Variants in LRRFIP1 observed in about 807,000 individuals in gnomAD.
LRRFIP1 encodes the protein LRR binding FLII interacting protein 1, also known as leucine-rich repeat flightless-interacting protein 1.
In LRRFIP1, 62 loss-of-function variants were observed where a neutral mutation model predicts 104.4. The ratio of observed to expected loss-of-function variants is 0.59; its 90% CI spans 0.48 to 0.73. The LOEUF is 0.73. LRRFIP1 is among the 30% of genes least tolerant of loss of function. LRRFIP1 has a pLI of 0.00. For missense variants in LRRFIP1, 796 were observed against 824.5 expected, an observed-to-expected ratio of 0.97 and a Z score of 0.42; for synonymous variants, 300 against 299.0, an observed-to-expected ratio of 1.00 and a Z score of -0.03.
chr2:237,643,454 A>G (rs998400834), intron 1 of LRRFIP1, among the ~76,000 whole-genome samples: 5 of 152,206 alleles, frequency 3.3e-5, no homozygotes, highest in Non-Finnish European at 1.5e-5. Context: ...GGGAGAATCC[A>G]TTTACTCTGA....
chr2:237,687,748 G>A (rs2092480245), intron 1 of LRRFIP1, among the ~76,000 whole-genome samples: 1 of 152,150 alleles, frequency 6.6e-6, no homozygotes, highest in African/African-American at 2.4e-5. Context: ...ACAGATGTTA[G>A]GGCTCTGATT....
intron 18 of LRRFIP1, 29 bp downstream of exon 18, chr2:237,758,850 A>T (rs747393837): frequency 2.0e-6 from 3 of 1,507,960 alleles, no homozygotes; most frequent in Middle Eastern, 1.8e-4. Context: ...GTTTTATTTA[A>T]AAAAAAAGAA....
chr2:237,696,329 G>A (rs1293242427), intron 1 of LRRFIP1, among the ~76,000 whole-genome samples: 1 of 152,120 alleles, frequency 6.6e-6, no homozygotes, highest in Non-Finnish European at 1.5e-5. Flanking sequence ...CTTTCCCTGT[G>A]GGTTGAGAAC....
chr2:237,664,087 A>G (rs1198753231), intron 1 of LRRFIP1, among the ~76,000 whole-genome samples: 2 of 150,316 alleles, frequency 1.3e-5, no homozygotes. Flanking sequence ...CTGCAGAGAG[A>G]CCCAAGGGAG....
chr2:237,648,350 G>A (rs1274713595), intron 1 of LRRFIP1, among the ~76,000 whole-genome samples: 1 of 151,830 alleles, frequency 6.6e-6, no homozygotes, highest in Non-Finnish European at 1.5e-5. Context: ...CCTATTTTAG[G>A]GATTGTTCTT....
intron 3 of LRRFIP1, among the ~76,000 whole-genome samples, chr2:237,715,154 G>C (rs780746015): frequency 1.3e-5 from 2 of 152,226 alleles, no homozygotes; most frequent in Non-Finnish European, 1.5e-5. Context: ...GGATTCCTGT[G>C]CTGGCCATGA....
At chr2:237,674,974 G>A (rs1472771356) in intron 1 of LRRFIP1, among the ~76,000 whole-genome samples, 1 of 152,248 alleles carries the variant, frequency 6.6e-6, no homozygotes, top group Non-Finnish European at 1.5e-5. Flanking sequence ...GAGAGCCTGG[G>A]CAGTGGGAGG....
chr2:237,688,738 T>G (rs1166379496), intron 1 of LRRFIP1, among the ~76,000 whole-genome samples: 2 of 152,032 alleles, frequency 1.3e-5, no homozygotes, highest in African/African-American at 4.8e-5. Flanking sequence ...GGATTACAGG[T>G]GTGGGTCACT....
At chr2:237,739,793 AG>A (rs1235222556) in intron 11 of LRRFIP1, among the ~76,000 whole-genome samples, 1 of 152,174 alleles carries the variant, frequency 6.6e-6, no homozygotes, top group Non-Finnish European at 1.5e-5. Flanking sequence ...TTCAGAAAAT[AG>A]GAGCCCTATT....
At chr2:237,680,867 G>A (rs1450173856) in intron 1 of LRRFIP1, among the ~76,000 whole-genome samples, 1 of 152,136 alleles carries the variant, frequency 6.6e-6, no homozygotes, top group Non-Finnish European at 1.5e-5. Context: ...TGTGGTCCCA[G>A]CTACTCCAGA....
Position 237,649,471 on chromosome 2 carries a change from C to T in LRRFIP1, c.96+21731C>T, listed in dbSNP as rs1559469101. Among the ~76,000 whole-genome samples, 1 of 151,950 alleles carries T rather than the reference C, an allele frequency of 6.6e-6. No individual in the cohort carries two copies. The highest frequency in any genetic ancestry group is 2.4e-5 in the African/African-American group (1 of 41,432). ...GCTTGAGCCCAGGACGTGGAGGCTG[C>T]AGTGAGCCAAGATTGTGCCATTGCA... On this transcript the variant is annotated intron_variant, in intron 1 of 23. Coordinates refer to ENST00000308482, the MANE Select transcript of LRRFIP1 (RefSeq NM_001137550.2). The surrounding 1 kb of genome is among the most constrained non-coding windows in gnomAD (Gnocchi z 4.1).
In LRRFIP1 at chr2:237,688,678, C is replaced by T. The variant is rs574921320; in HGVS notation, c.97-19866C>T. Among the ~76,000 whole-genome samples, 4 of 151,926 alleles carry T rather than the reference C, an allele frequency of 2.6e-5. No homozygotes were observed. The South Asian group carries it at 6.2e-4, about 24-fold the overall frequency. The stretch of plus-strand genomic sequence containing the variant: ...TTTGTCATGTTGGCCAGGCTGGTCT[C>T]GAACTCCTGGGCTCAGGTGATCCAC... On this transcript the variant is annotated intron_variant, in intron 1 of 23. Transcript: ENST00000308482.
rs1199976790 is a variant in LRRFIP1 at position 237,739,272 on chromosome 2, C to T, written c.596C>T (p.Ala199Val). The T allele has an allele frequency of 6.4e-7, 1 of 1,565,350 alleles. No individual in the cohort carries two copies. Among genetic ancestry groups the T allele is most frequent in the Admixed American group, 1.9e-5 (1 of 53,858 alleles). Residue 199 changes from alanine (A) to valine (V), a missense_variant, in exon 11 of 24, where the codon GCC becomes GTC. Ala to Val is a moderately conservative substitution (Grantham distance 64). Transcript: ENST00000308482. ...YSGHLNSSSR[A>V]SSRASSARAS... is the part of the protein sequence containing the mutation. Reference sequence around the variant, plus strand: ...GGCCACCTCAACTCCAGCTCCCGCGCCTCCTCCAGGGCCAGCTCGGCCCGG... The same window carrying T: ...GGCCACCTCAACTCCAGCTCCCGCGTCTCCTCCAGGGCCAGCTCGGCCCGG...
In LRRFIP1 at chr2:237,723,587, G is replaced by A; in HGVS notation, c.384+1G>A. ...GGAGTATGGGGGTCCTTACGCCTGG[G>A]TGAGATGGTCGGATATACTTTGCTG... On this transcript the variant is annotated splice_donor_variant, in intron 7 of 23. Coordinates refer to ENST00000308482, the MANE Select transcript of LRRFIP1 (RefSeq NM_001137550.2). LOFTEE classifies it high-confidence loss of function. The A allele has an allele frequency of 3.1e-6, 5 of 1,613,972 alleles. No individual in the cohort carries two copies. Among genetic ancestry groups the A allele is most frequent in the African/African-American group, 1.3e-5 (1 of 75,038 alleles).
chr2:237,671,564 G>A (rs1230025845), intron 1 of LRRFIP1, among the ~76,000 whole-genome samples: 1 of 152,132 alleles, frequency 6.6e-6, no homozygotes, highest in Non-Finnish European at 1.5e-5. Flanking sequence ...GATGAGCTGG[G>A]GTCACAGGGA....
chr2:237,656,947 A>T (rs987282794), intron 1 of LRRFIP1, among the ~76,000 whole-genome samples: 1 of 152,284 alleles, frequency 6.6e-6, no homozygotes, highest in Non-Finnish European at 1.5e-5. Flanking sequence ...TGTTACGAAG[A>T]TAACATAATT....
At chr2:237,741,329 A>C (rs1035439710) in intron 11 of LRRFIP1, among the ~76,000 whole-genome samples, 1 of 152,250 alleles carries the variant, frequency 6.6e-6, no homozygotes, top group Admixed American at 6.5e-5. Flanking sequence ...AAGGAATTTC[A>C]GATCACAGAC....
At chr2:237,749,544 C>T (rs989399084) in intron 13 of LRRFIP1, among the ~76,000 whole-genome samples, 1 of 152,146 alleles carries the variant, frequency 6.6e-6, no homozygotes, top group Non-Finnish European at 1.5e-5. Flanking sequence ...CCCAGCAGGG[C>T]GGACCGTGTG....
intron 1 of LRRFIP1, among the ~76,000 whole-genome samples, chr2:237,639,256 C>G (rs2083548327): frequency 6.6e-6 from 1 of 152,162 alleles, no homozygotes; most frequent in East Asian, 1.9e-4. Context: ...AAGATGATCT[C>G]CCATGCCCAA....
Sources: gnomAD v4.1 joint callset for allele counts (sites outside exome capture counted in the v4.1 genomes callset) on GRCh38, gnomAD v4.1.1 for gene constraint, Gnocchi (gnomAD v3.1) non-coding constraint, MANE v1.5 for transcripts, NCBI Gene and HGNC (gene_info 2026-07-23, HGNC 2026-07-21) for gene names.